PDE1A: variants seen among roughly 807,000 people sequenced by gnomAD.
The protein encoded by PDE1A is phosphodiesterase 1A.
A neutral mutation model predicts 61.7 loss-of-function variants in PDE1A; 35 were observed. The observed-to-expected ratio is 0.57, with a 90% CI of 0.43 to 0.75. The LOEUF is 0.75. PDE1A is among the 30% of genes least tolerant of loss of function. The pLI, the probability that PDE1A is intolerant of heterozygous loss-of-function variation, is 0.00. For synonymous variants in PDE1A, 232 were observed against 213.2 expected, an observed-to-expected ratio of 1.09 and a Z score of -0.77; for missense variants, 597 against 630.6, an observed-to-expected ratio of 0.95 and a Z score of 0.57.
intron 2 of PDE1A, among the ~76,000 whole-genome samples, chr2:182,465,013 TACA>T (rs1305713228): frequency 2.0e-5 from 3 of 152,168 alleles, no homozygotes; most frequent in Non-Finnish European, 4.4e-5. Flanking sequence ...TATGTTAAAA[TACA>T]ACAATATTAA....
intron 13 of PDE1A, among the ~76,000 whole-genome samples, chr2:182,178,904 TG>T (rs1313237757): frequency 2.6e-5 from 4 of 152,078 alleles, no homozygotes; most frequent in African/African-American, 9.7e-5. Flanking sequence ...CAATGGGGGC[TG>T]TCTGTCTGGA....
the PDE1A span, among the ~76,000 whole-genome samples, chr2:182,584,556 T>C: frequency 6.6e-6 from 1 of 152,232 alleles, no homozygotes; most frequent in Non-Finnish European, 1.5e-5. Flanking sequence ...TGTGTGTAAG[T>C]GAGACAGACG....
the PDE1A span, among the ~76,000 whole-genome samples, chr2:182,580,390 G>A: frequency 3.5e-3 from 539 of 152,240 alleles, 1 homozygote; most frequent in African/African-American, 0.012. Context: ...TTCTCCCTGA[G>A]TCTTTACACG....
At chr2:182,433,511 A>C (rs1704058348) in intron 2 of PDE1A, among the ~76,000 whole-genome samples, 1 of 152,078 alleles carries the variant, frequency 6.6e-6, no homozygotes, top group Non-Finnish European at 1.5e-5. Flanking sequence ...GTAGAGCTTC[A>C]GGGATTTAAG....
At chr2:182,563,362 G>C in the PDE1A span, among the ~76,000 whole-genome samples, 2 of 152,034 alleles carry the variant, frequency 1.3e-5, no homozygotes, top group South Asian at 4.1e-4. Flanking sequence ...GTAGTTAAGT[G>C]GTTTTGAGTG....
chr2:182,407,272 G>C (rs1702351780), intron 1 of PDE1A, among the ~76,000 whole-genome samples: 1 of 152,124 alleles, frequency 6.6e-6, no homozygotes, highest in African/African-American at 2.4e-5. Context: ...AAAAAAGTCA[G>C]CATACATGTG....
chr2:182,488,049 CAA>C (rs1349309410), intron 2 of PDE1A, among the ~76,000 whole-genome samples: 1 of 151,916 alleles, frequency 6.6e-6, no homozygotes, highest in Non-Finnish European at 1.5e-5. Context: ...CAATATTGAA[CAA>C]AAAAGTATAA....
At chr2:182,196,105 C>G (rs1013605014) in intron 10 of PDE1A, among the ~76,000 whole-genome samples, 10 of 151,984 alleles carry the variant, frequency 6.6e-5, no homozygotes, top group African/African-American at 2.4e-4. Flanking sequence ...TTAAGTTTCA[C>G]AAAGAAAAAC....
the PDE1A span, among the ~76,000 whole-genome samples, chr2:182,653,673 C>A: frequency 6.6e-6 from 1 of 152,114 alleles, no homozygotes; most frequent in Non-Finnish European, 1.5e-5. Context: ...AATCAACTTG[C>A]CATCAAGTGA....
At chr2:182,550,204 A>T in the PDE1A span, among the ~76,000 whole-genome samples, 1 of 152,224 alleles carries the variant, frequency 6.6e-6, no homozygotes, top group Non-Finnish European at 1.5e-5. Context: ...ACACGTAACT[A>T]GTTGAATTTG....
chr2:182,399,788 T>C (rs1033072924), intron 1 of PDE1A, among the ~76,000 whole-genome samples: 1 of 152,052 alleles, frequency 6.6e-6, no homozygotes, highest in African/African-American at 2.4e-5. Flanking sequence ...CTATGTTCCA[T>C]GGTTTGATTA....
chr2:182,593,383 C>G, the PDE1A span, among the ~76,000 whole-genome samples: 1 of 152,152 alleles, frequency 6.6e-6, no homozygotes, highest in East Asian at 1.9e-4. Flanking sequence ...AGAATACTAA[C>G]AGAAGAGCAC....
intron 1 of PDE1A, among the ~76,000 whole-genome samples, chr2:182,353,298 T>C (rs892346813): frequency 2.0e-5 from 3 of 152,188 alleles, no homozygotes; most frequent in Non-Finnish European, 2.9e-5. Context: ...TGGTGTGAAA[T>C]GCATATTATA....
At chr2:182,705,731 C>T in the PDE1A span, among the ~76,000 whole-genome samples, 4,032 of 152,254 alleles carry the variant, frequency 0.026, 170 homozygotes, top group African/African-American at 0.091. Context: ...CAAGGCTGGT[C>T]TTGAACTCCT....
downstream of PDE1A, among the ~76,000 whole-genome samples, chr2:182,145,355 G>A (rs941262927): frequency 6.6e-6 from 1 of 151,748 alleles, no homozygotes; most frequent in Non-Finnish European, 1.5e-5. Context: ...AATTTAACTG[G>A]CCTTGACAGA....
intron 1 of PDE1A, among the ~76,000 whole-genome samples, chr2:182,337,975 G>T (rs577946293): frequency 6.6e-6 from 1 of 152,250 alleles, no homozygotes; most frequent in Admixed American, 6.5e-5. Context: ...TATCACATAG[G>T]TATGTTCCTA....
intron 7 of PDE1A, among the ~76,000 whole-genome samples, chr2:182,207,609 A>G (rs965225411): frequency 1.2e-4 from 18 of 152,350 alleles, no homozygotes; most frequent in Admixed American, 9.1e-4. Flanking sequence ...TGAGGTAGAA[A>G]AGAAAAACCC....
chr2:182,571,252 T>G, the PDE1A span, among the ~76,000 whole-genome samples: 1 of 152,198 alleles, frequency 6.6e-6, no homozygotes, highest in Non-Finnish European at 1.5e-5. Context: ...TTTCATATGC[T>G]TTCTTTTAAA....
At chr2:182,164,423 G>A (rs1691543640), downstream of PDE1A, among the ~76,000 whole-genome samples, 2 of 152,226 alleles carry the variant, frequency 1.3e-5, no homozygotes, top group South Asian at 4.1e-4. Flanking sequence ...GAAGAGTTAT[G>A]TGTATAGACC....
Sources: gnomAD v4.1 joint callset for allele counts (sites outside exome capture counted in the v4.1 genomes callset) on GRCh38, gnomAD v4.1.1 for gene constraint, MANE v1.5 for transcripts, NCBI Gene and HGNC (gene_info 2026-07-23, HGNC 2026-07-21) for gene names.